The following SLC22A2 variants were observed in gnomAD, a reference collection of about 807,000 sequenced individuals.
SLC22A2 encodes solute carrier family 22 member 2, also known as organic cation transporter 2.
A neutral mutation model predicts 60.5 loss-of-function variants in SLC22A2; 46 were observed. That is an observed-to-expected ratio of 0.76 (90% CI 0.60 to 0.97). SLC22A2 has a LOEUF of 0.97. Among genes scored for constraint, SLC22A2 ranks in the 50% least tolerant of loss-of-function variants. The pLI, the probability that SLC22A2 is intolerant of heterozygous loss-of-function variation, is 0.00. For missense variants in SLC22A2, 701 were observed against 706.6 expected, an observed-to-expected ratio of 0.99 and a Z score of 0.09; for synonymous variants, 303 against 267.0, an observed-to-expected ratio of 1.13 and a Z score of -1.31.
Position 160,241,533 on chromosome 6 carries a change from G to A in SLC22A2, c.1442C>T (p.Thr481Met), listed in dbSNP as rs747165406. ...SSMCDIGGII[T>M]PFLVYRLTNI... Reference sequence around the variant, plus strand: ...AGTGAGCCGGTAGACCAGGAATGGCGTGATGATGCCACCAATGTCACACAT... The same window carrying A: ...AGTGAGCCGGTAGACCAGGAATGGCATGATGATGCCACCAATGTCACACAT... The change falls in exon 9 of 11, where the codon ACG (threonine) becomes ATG (methionine). Residue 481 changes from threonine to methionine, a missense_variant. By Grantham distance (81) the Thr-to-Met change is moderately conservative. Coordinates refer to ENST00000366953, the MANE Select transcript of SLC22A2 (RefSeq NM_003058.4). 58 of 1,613,580 alleles carry A rather than the reference G, an allele frequency of 3.6e-5. No homozygotes were observed. Among genetic ancestry groups the A allele is most frequent in the Admixed American group, 5.0e-5 (3 of 59,980 alleles).
chr6:160,224,776 C>T lies in SLC22A2; in HGVS notation c.1530G>A (p.Leu510=). 6.3e-7 allele frequency: 1 copy of T among 1,599,520 alleles called. No homozygotes were observed. Among genetic ancestry groups the T allele is most frequent in the Admixed American group, 1.7e-5 (1 of 58,778 alleles). The part of the protein sequence containing the change: ...FGVLGLVAGG[L]VLLLPETKGK... ...CTTTAGTTTCTGGAAGCAACAGCAC[C>T]AGACCTCCAGCAACCAAGCCAAGCA... The change falls in exon 10 of 11, where the codon CTG becomes CTA. Residue 510 remains leucine (L), a synonymous_variant. Coordinates refer to ENST00000366953, the MANE Select transcript of SLC22A2 (RefSeq NM_003058.4).
chr6:160,253,159 C>T (rs1216015043), intron 2 of SLC22A2, among the ~76,000 whole-genome samples: 1 of 152,222 alleles, frequency 6.6e-6, no homozygotes, highest in African/African-American at 2.4e-5. Context: ...AGCAGCAGCA[C>T]CTCTGTTCCT....
At chr6:160,256,545 G>C in intron 2 of SLC22A2, 69 bp downstream of exon 2, 2 of 988,396 alleles carry the variant, frequency 2.0e-6, no homozygotes, top group Non-Finnish European at 3.3e-6. Flanking sequence ...TCAAGCAGGG[G>C]CAGGTGCATC....
intron 6 of SLC22A2, chr6:160,245,082 G>C (rs908431300): frequency 6.3e-6 from 1 of 159,108 alleles, no homozygotes; most frequent in African/African-American, 2.4e-5. Flanking sequence ...TAGTTCTCTA[G>C]TTGGGCTATG....
intron 7 of SLC22A2, 86 bp downstream of exon 7, chr6:160,243,486 A>C (rs1158817853): frequency 9.7e-7 from 1 of 1,027,976 alleles, no homozygotes; most frequent in East Asian, 2.4e-5. Flanking sequence ...TGGATGACAA[A>C]TTACATGGTT....
At chr6:160,225,574 C>A (rs544039200) in intron 9 of SLC22A2, among the ~76,000 whole-genome samples, 1 of 152,222 alleles carries the variant, frequency 6.6e-6, no homozygotes, top group Admixed American at 6.5e-5. Context: ...CAACTCTGGC[C>A]CCTTACATAC....
chr6:160,254,088 G>A (rs1411406253), intron 2 of SLC22A2, among the ~76,000 whole-genome samples: 2 of 152,080 alleles, frequency 1.3e-5, no homozygotes, highest in Non-Finnish European at 2.9e-5. Context: ...GATCAACCTG[G>A]CCAACATGGT....
In SLC22A2 at chr6:160,243,778, C is replaced by T. The variant is rs781620019; in HGVS notation, c.1073G>A (p.Ser358Asn). Residue 358 changes from serine to asparagine, a missense_variant, in exon 7 of 11, where the codon AGC becomes AAC. Physicochemically the swap from Ser to Asn is conservative, Grantham distance 46. Coordinates refer to ENST00000366953, the MANE Select transcript of SLC22A2 (RefSeq NM_003058.4). ...TMILMYNWFTSSVLYQGLIMH... is the reference protein window; with the variant it reads ...TMILMYNWFTNSVLYQGLIMH... ...GATGAGGCCCTGGTAGAGCACAGAG[C>T]TCGTGAACCTGAGCAAAGAGGAGAG... The T allele has an allele frequency of 3.1e-6, 5 of 1,612,680 alleles. No homozygotes were observed. The highest frequency in any genetic ancestry group is 4.2e-6 in the Non-Finnish European group (5 of 1,179,314).
At chr6:160,237,062 A>G (rs1264267822) in intron 9 of SLC22A2, among the ~76,000 whole-genome samples, 2 of 152,212 alleles carry the variant, frequency 1.3e-5, no homozygotes, top group East Asian at 3.8e-4. Flanking sequence ...ATTATGTTTC[A>G]AGAACAATGG....
intron 9 of SLC22A2, among the ~76,000 whole-genome samples, chr6:160,237,526 A>C (rs1782929735): frequency 6.6e-6 from 1 of 152,126 alleles, no homozygotes; most frequent in Non-Finnish European, 1.5e-5. Context: ...GCTCCTCTCT[A>C]CCCTGAATAC....
Position 160,250,667 on chromosome 6 carries a change from A to G in SLC22A2, c.554T>C (p.Leu185Pro). The G allele has an allele frequency of 1.9e-6, 3 of 1,614,128 alleles. No individual in the cohort carries two copies. The highest frequency in any genetic ancestry group is 1.1e-5 in the South Asian group (1 of 91,084). The change falls in exon 3 of 11, where the codon CTC becomes CCC. Residue 185 changes from leucine (L) to proline (P), a missense_variant. Transcript: ENST00000366953. ...GRKLCLLTTV[L>P]INAAAGVLMA... ...GAGAACTCCAGCTGCAGCATTTATG[A>G]GGACTGTAGTTAGGAGGCAGAGCTT... is the stretch of plus-strand genomic sequence containing the variant.
rs1367407779 is a variant in SLC22A2 at position 160,221,049 on chromosome 6, T to A, written c.1602-3551A>T. On this transcript the variant is annotated intron_variant, in intron 10 of 10. Transcript: ENST00000366953. ...AGCTTTGAAACCAGACATTGATTTT[T>A]TCCTCGCTCTTCATGAAAGTCCTAA... Among the ~76,000 whole-genome samples, 3 of 152,192 alleles carry A rather than the reference T, an allele frequency of 2.0e-5. No homozygotes were observed. The South Asian group carries it at 6.2e-4, about 32-fold the overall frequency.
Position 160,243,702 on chromosome 6 carries a change from A to G in SLC22A2, c.1149T>C (p.Ser383=), listed in dbSNP as rs768121885. ...GDNIYLDFFY[S]ALVEFPAAFM... ...AGGCAGCTGGGAATTCAACCAGGGC[A>G]GAGTAGAAGAAATCCAGGTAGATAT... The change falls in exon 7 of 11, where the codon TCT becomes TCC. Residue 383 remains serine, a synonymous_variant. Transcript: ENST00000366953. 102 of 1,613,942 alleles carry G rather than the reference A, an allele frequency of 6.3e-5. No individual in the cohort carries two copies. The highest frequency in any genetic ancestry group is 8.3e-5 in the Non-Finnish European group (98 of 1,179,954).
intron 10 of SLC22A2, among the ~76,000 whole-genome samples, chr6:160,220,580 G>T (rs1050695912): frequency 6.6e-6 from 1 of 152,082 alleles, no homozygotes; most frequent in Non-Finnish European, 1.5e-5. Context: ...ACAATCAGAG[G>T]AATTACCATC....
At chr6:160,230,073 ACT>A (rs1193979146) in intron 9 of SLC22A2, among the ~76,000 whole-genome samples, 1 of 151,568 alleles carries the variant, frequency 6.6e-6, no homozygotes, top group African/African-American at 2.4e-5. Flanking sequence ...CCTAATCATC[ACT>A]GGGTCTTTCC....
At chr6:160,234,301 C>T (rs948914458) in intron 9 of SLC22A2, among the ~76,000 whole-genome samples, 1 of 152,246 alleles carries the variant, frequency 6.6e-6, no homozygotes, top group African/African-American at 2.4e-5. Flanking sequence ...GTTTGGTGGG[C>T]TCTTCACACG....
intron 1 of SLC22A2, chr6:160,258,079 T>G (rs1332944343): frequency 6.9e-6 from 3 of 435,542 alleles, no homozygotes; most frequent in Non-Finnish European, 1.2e-5. Context: ...AGTCCTAATA[T>G]GCTTTGGCCT....
Position 160,242,121 on chromosome 6 carries a change from C to G in SLC22A2, c.1388+173G>C, listed in dbSNP as rs1021084397. Among the ~76,000 whole-genome samples, 140 of 152,250 alleles carry G rather than the reference C, an allele frequency of 9.2e-4. 3 individuals are homozygous for G. The highest frequency in any genetic ancestry group is 3.2e-3 in the African/African-American group (132 of 41,540). Reference sequence around the variant, plus strand: ...TCACCATGGCCTCTGTATTTTACCCCAGCCTGTAAGTGTGAGAGGTGAACT... The same window carrying G: ...TCACCATGGCCTCTGTATTTTACCCGAGCCTGTAAGTGTGAGAGGTGAACT... On this transcript the variant is annotated intron_variant, in intron 8 of 10. Coordinates refer to ENST00000366953, the MANE Select transcript of SLC22A2 (RefSeq NM_003058.4).
intron 9 of SLC22A2, among the ~76,000 whole-genome samples, chr6:160,226,285 T>G (rs1465877908): frequency 3.9e-5 from 6 of 152,162 alleles, no homozygotes; most frequent in African/African-American, 1.4e-4. Context: ...CACAAAGTTA[T>G]GCTTAAAAAC....
Sources: gnomAD v4.1 joint callset for allele counts (sites outside exome capture counted in the v4.1 genomes callset) on GRCh38, gnomAD v4.1.1 for gene constraint, MANE v1.5 for transcripts, NCBI Gene and HGNC (gene_info 2026-07-23, HGNC 2026-07-21) for gene names.